NBPF8: variants seen among roughly 807,000 people sequenced by gnomAD.
NBPF8 encodes NBPF member 8.
chr1:120,421,629 C>T (rs7533703), intron 1 of NBPF8, among the ~76,000 whole-genome samples: 45,675 of 145,530 alleles, frequency 0.31, 8,204 homozygotes, highest in Non-Finnish European at 0.43. Flanking sequence ...TTTTGTTCTA[C>T]TTTTTTAAAT....
At chr1:120,455,115 T>A (rs1661400039) in intron 15 of NBPF8, among the ~76,000 whole-genome samples, 1 of 150,290 alleles carries the variant, frequency 6.7e-6, no homozygotes. Flanking sequence ...TAGAAAATTG[T>A]TTGACCAATT....
chr1:120,452,743 G>C (rs1164196987), intron 13 of NBPF8, among the ~76,000 whole-genome samples: 1 of 152,176 alleles, frequency 6.6e-6, no homozygotes, highest in African/African-American at 2.4e-5. Context: ...TCTCTCCGTG[G>C]CAGACAAATT....
At chr1:120,466,328 G>C (rs2101704978) in exon 25 of NBPF8, 1 of 1,485,018 alleles carries the variant, frequency 6.7e-7, no homozygotes, top group African/African-American at 1.4e-5. Flanking sequence ...ACATAGGATG[G>C]GTCAGTGGGC....
exon 23 of NBPF8, chr1:120,464,547 A>T (rs1386454714): frequency 6.4e-6 from 5 of 777,928 alleles, no homozygotes; most frequent in Non-Finnish European, 1.2e-5. Flanking sequence ...TTGACGTGGG[A>T]GGTGAGTACC....
In NBPF8 at chr1:120,424,729, C is replaced by T. The variant is rs1184508226; in HGVS notation, n.270-1018C>T. Among the ~76,000 whole-genome samples the T allele has an allele frequency of 2.2e-4, 32 of 144,814 alleles. No homozygotes were observed. The East Asian group carries it at 2.2e-3, about 10-fold the overall frequency. The stretch of plus-strand genomic sequence containing the variant: ...TCTCAAAGTGCTAGGATTACAGACA[C>T]GAGCCACGGCCTGACCTGAACTGTG... On this transcript the variant is annotated intron_variant and non_coding_transcript_variant, in intron 1 of 28. Transcript: ENST00000652355.
At chr1:120,434,228 AT>A (rs1173044508), upstream of NBPF8, among the ~76,000 whole-genome samples, 4,362 of 148,084 alleles carry the variant, frequency 0.029, 220 homozygotes, top group African/African-American at 0.1. Context: ...AAAGAAAAAA[AT>A]ATATATATAT....
At chr1:120,433,683 A>G (rs1299686843), upstream of NBPF8, 11 of 214,136 alleles carry the variant, frequency 5.1e-5, no homozygotes, top group South Asian at 6.8e-4. Context: ...GTGGGAGGCC[A>G]TTTCATAACA....
intron 12 of NBPF8, 55 bp from the exon 11 acceptor site, chr1:120,452,062 G>T: frequency 7.0e-7 from 1 of 1,418,706 alleles, no homozygotes; most frequent in Non-Finnish European, 1.0e-6. Flanking sequence ...TGCAATATTT[G>T]AGCGGATCAC....
chr1:120,430,476 G>C (rs61809713), intron 3 of NBPF8, among the ~76,000 whole-genome samples: 6 of 82,924 alleles, frequency 7.2e-5, no homozygotes, highest in Admixed American at 6.0e-4. Context: ...TTCAACAGAC[G>C]GGGCACCGTG....
At chr1:120,457,727 T>TA (rs1296846675) in intron 16 of NBPF8, among the ~76,000 whole-genome samples, 1,399 of 53,240 alleles carry the variant, frequency 0.026, 288 homozygotes, top group East Asian at 0.15. Context: ...CTTAAAGTAT[T>TA]AAAAAAAAAA....
At chr1:120,466,034 A>C in exon 25 of NBPF8, 1 of 1,611,980 alleles carries the variant, frequency 6.2e-7, no homozygotes, top group Non-Finnish European at 8.5e-7. Flanking sequence ...GACTCACTGG[A>C]TAGATGTTAT....
chr1:120,417,865 T>C (rs1196408707), upstream of NBPF8, among the ~76,000 whole-genome samples: 1,185 of 141,998 alleles, frequency 8.3e-3, 19 homozygotes, highest in African/African-American at 0.031. Context: ...CCTCCCAGAG[T>C]GTGGGGATTA....
chr1:120,465,276 G>C, exon 24 of NBPF8: 1 of 643,858 alleles, frequency 1.6e-6, no homozygotes, highest in East Asian at 2.5e-5. Context: ...TTGAAAAGAA[G>C]GGGAAGGGGA....
chr1:120,464,769 G>A (rs1661698443), intron 23 of NBPF8, among the ~76,000 whole-genome samples: 1 of 146,778 alleles, frequency 6.8e-6, no homozygotes, highest in Admixed American at 6.8e-5. Flanking sequence ...CCATACCTGT[G>A]GCGCCCTGAT....
At chr1:120,450,457 G>T (rs1221814394) in intron 11 of NBPF8, among the ~76,000 whole-genome samples, 5 of 152,134 alleles carry the variant, frequency 3.3e-5, no homozygotes, top group African/African-American at 1.2e-4. Context: ...TTCCTCACCT[G>T]TTCAGAGGGT....
chr1:120,462,563 G>A (rs1377594169), intron 20 of NBPF8, among the ~76,000 whole-genome samples: 16 of 106,806 alleles, frequency 1.5e-4, no homozygotes, highest in Non-Finnish European at 2.5e-4. Context: ...CGGCCAATTC[G>A]CTGAGCTCAC....
At chr1:120,435,671 T>G (rs1661050979), upstream of NBPF8, among the ~76,000 whole-genome samples, 1 of 147,438 alleles carries the variant, frequency 6.8e-6, no homozygotes. Context: ...TGAAACCCCG[T>G]CTCTACTAAA....
At chr1:120,467,848 T>TTA, downstream of NBPF8, 1 of 152,188 alleles carries the variant, frequency 6.6e-6, no homozygotes, top group East Asian at 1.9e-4. Context: ...ATTTCCATGT[T>TTA]TATTTTGTAA....
At chr1:120,420,463 C>T (rs1195720964) in intron 1 of NBPF8, among the ~76,000 whole-genome samples, 9 of 148,640 alleles carry the variant, frequency 6.1e-5, no homozygotes, top group Admixed American at 2.0e-4. Context: ...TCCACCCTGC[C>T]GTCCCCTTTC....
Sources: gnomAD v4.1 joint callset for allele counts (sites outside exome capture counted in the v4.1 genomes callset) on GRCh38, gnomAD v4.1.1 for gene constraint, MANE v1.5 for transcripts, NCBI Gene and HGNC (gene_info 2026-07-23, HGNC 2026-07-21) for gene names.